Variants in SULF1 observed in about 807,000 individuals in gnomAD.
The protein encoded by SULF1 is sulfatase 1, also known as extracellular sulfatase Sulf-1.
Under a neutral mutation model 110.5 loss-of-function variants are expected in SULF1, and 46 were observed. That is an observed-to-expected ratio of 0.42 (90% confidence interval 0.33 to 0.53). SULF1 has a LOEUF of 0.53. Among genes scored for constraint, SULF1 ranks in the 20% least tolerant of loss-of-function variants. The pLI, the probability that SULF1 is intolerant of heterozygous loss-of-function variation, is 0.12. For synonymous variants in SULF1, 371 were observed against 387.1 expected, an observed-to-expected ratio of 0.96 and a Z score of 0.49; for missense variants, 941 against 1,094.2, an observed-to-expected ratio of 0.86 and a Z score of 1.98.
chr8:69,519,432 T>A (rs998871708), intron 3 of SULF1, among the ~76,000 whole-genome samples: 1 of 148,256 alleles, frequency 6.7e-6, no homozygotes, highest in Non-Finnish European at 1.5e-5. Flanking sequence ...ACATGTGGGG[T>A]TTTTTTAAGC....
chr8:69,600,016 A>G (rs1252567058), intron 8 of SULF1, among the ~76,000 whole-genome samples: 1 of 152,202 alleles, frequency 6.6e-6, no homozygotes, highest in Non-Finnish European at 1.5e-5. Flanking sequence ...AAACATGTAT[A>G]TTGCGGAAGT....
Position 69,481,431 on chromosome 8 carries a change from A to G in SULF1, c.-390-14334A>G, listed in dbSNP as rs548008477. ...TTTGATCCATAAGAATACTTTGTTC[A>G]TACTATTTTCCTTTTCTTAAATTTC... On this transcript the variant is annotated intron_variant, in intron 1 of 22. Transcript: ENST00000260128. Among the ~76,000 whole-genome samples, 15 of 152,292 alleles carry G rather than the reference A, an allele frequency of 9.8e-5. No individual in the cohort carries two copies. In the South Asian group the frequency reaches 3.1e-3, roughly 32 times the overall value.
At chr8:69,516,169 C>G (rs1360589612) in intron 3 of SULF1, among the ~76,000 whole-genome samples, 1 of 152,164 alleles carries the variant, frequency 6.6e-6, no homozygotes, top group Admixed American at 6.5e-5. Context: ...AGTTCATTCT[C>G]ACATTGCTAT....
At chr8:69,496,488 C>T (rs1314989982) in intron 2 of SULF1, among the ~76,000 whole-genome samples, 1 of 152,052 alleles carries the variant, frequency 6.6e-6, no homozygotes, top group African/African-American at 2.4e-5. Flanking sequence ...AAGAAGTGTC[C>T]CAAAAAGGAA....
intron 3 of SULF1, among the ~76,000 whole-genome samples, chr8:69,562,612 T>C (rs572353789): frequency 5.9e-5 from 9 of 152,278 alleles, no homozygotes; most frequent in African/African-American, 2.2e-4. Context: ...AGCAGGTTAG[T>C]GTTCCAAAGT....
At chr8:69,573,136 C>A (rs928329623) in intron 5 of SULF1, among the ~76,000 whole-genome samples, 73 of 152,316 alleles carry the variant, frequency 4.8e-4, no homozygotes, top group African/African-American at 1.7e-3. Context: ...CCGAGATTCG[C>A]ATTTTCAAGG....
At chr8:69,576,616 T>C (rs1231137044) in intron 6 of SULF1, among the ~76,000 whole-genome samples, 2 of 152,176 alleles carry the variant, frequency 1.3e-5, no homozygotes, top group Non-Finnish European at 2.9e-5. Context: ...TTTGATTAAT[T>C]GGTTTTTTGA....
chr8:69,536,716 G>T (rs1813449984), intron 3 of SULF1, among the ~76,000 whole-genome samples: 1 of 152,144 alleles, frequency 6.6e-6, no homozygotes, highest in Non-Finnish European at 1.5e-5. Flanking sequence ...TTGGTATGTT[G>T]ATTCACTAAT....
At chr8:69,624,236 A>C in intron 15 of SULF1, 39 bp downstream of exon 15, 1 of 1,532,114 alleles carries the variant, frequency 6.5e-7, no homozygotes, top group Non-Finnish European at 8.8e-7. Flanking sequence ...TTGAGTTCAG[A>C]ATTACCACCA....
chr8:69,629,182 C>T (rs192634932), intron 18 of SULF1, among the ~76,000 whole-genome samples: 24 of 152,178 alleles, frequency 1.6e-4, no homozygotes, highest in East Asian at 7.7e-4. Flanking sequence ...TACAGGTGTG[C>T]GCCACCACAT....
chr8:69,513,637 G>T (rs550874437), intron 3 of SULF1, among the ~76,000 whole-genome samples: 1 of 152,298 alleles, frequency 6.6e-6, no homozygotes, highest in African/African-American at 2.4e-5. Context: ...GTGATCAGGT[G>T]CCTGAAATGA....
chr8:69,588,552 G>A (rs1806634426), intron 7 of SULF1, among the ~76,000 whole-genome samples: 2 of 152,138 alleles, frequency 1.3e-5, no homozygotes, highest in Admixed American at 1.3e-4. Flanking sequence ...TAAATTTGAA[G>A]TGGGCGTGGG....
rs117796664 is a variant in SULF1, at chr8:69,533,065, C to T, written c.-133-30474C>T. Among the ~76,000 whole-genome samples, 618 of 152,268 alleles carry T rather than the reference C, an allele frequency of 4.1e-3. 2 individuals are homozygous for T. Among genetic ancestry groups the T allele is most frequent in the Non-Finnish European group, 6.7e-3 (453 of 68,020 alleles). On this transcript the variant is annotated intron_variant, in intron 3 of 22. Coordinates refer to ENST00000402687, the MANE Select transcript of SULF1 (RefSeq NM_001128205.2). ...AGAACACTTGCTTGGCTCTTATTGC[C>T]TCTAATAGTTTTCTGTATGCTCACT...
chr8:69,473,662 A>G (rs1366124196), intron 1 of SULF1, among the ~76,000 whole-genome samples: 8 of 152,218 alleles, frequency 5.3e-5, no homozygotes, highest in African/African-American at 1.9e-4. Context: ...TTATACCATA[A>G]CAATTGAATT....
intron 3 of SULF1, among the ~76,000 whole-genome samples, chr8:69,529,930 A>C (rs760939170): frequency 6.6e-6 from 1 of 152,202 alleles, no homozygotes; most frequent in Non-Finnish European, 1.5e-5. Flanking sequence ...AGCTGCACAA[A>C]GGTTTGGATA....
chr8:69,658,426 A>G, intron 22 of SULF1, 79 bp from the exon 23 acceptor site: 2 of 1,055,324 alleles, frequency 1.9e-6, no homozygotes, highest in Non-Finnish European at 2.8e-6. Flanking sequence ...AACTCTGTAA[A>G]AACAATGTAA....
chr8:69,625,650 G>C (rs146179359), intron 15 of SULF1, among the ~76,000 whole-genome samples: 1 of 152,182 alleles, frequency 6.6e-6, no homozygotes. Flanking sequence ...TCGTGGTCTC[G>C]CTGGGCTCAG....
At chr8:69,545,809 G>T (rs113262228) in intron 3 of SULF1, among the ~76,000 whole-genome samples, 2,024 of 152,256 alleles carry the variant, frequency 0.013, 22 homozygotes, top group Non-Finnish European at 0.018. Flanking sequence ...CAATTCTCCT[G>T]CCGCAGTCCA....
intron 3 of SULF1, among the ~76,000 whole-genome samples, chr8:69,524,145 A>G (rs1398028307): frequency 7.4e-6 from 1 of 135,418 alleles, no homozygotes; most frequent in African/African-American, 2.9e-5. Context: ...AATAGAGAGC[A>G]TGGAGGGAGG....
Sources: gnomAD v4.1 joint callset for allele counts (sites outside exome capture counted in the v4.1 genomes callset) on GRCh38, gnomAD v4.1.1 for gene constraint, MANE v1.5 for transcripts, NCBI Gene and HGNC (gene_info 2026-07-23, HGNC 2026-07-21) for gene names.